The following CHD6 variants were observed in gnomAD, a reference collection of about 807,000 sequenced individuals.
CHD6 encodes the protein chromodomain helicase DNA binding protein 6.
CHD6 carries 50 observed loss-of-function variants against 276.9 expected under a neutral mutation model. The observed-to-expected ratio is 0.18, with a 90% CI of 0.14 to 0.23. CHD6 has a LOEUF of 0.23. Among genes scored for constraint, CHD6 ranks in the 10% least tolerant of loss-of-function variants. The pLI is 1.00. For synonymous variants in CHD6, 1,173 were observed against 1,229.3 expected, an observed-to-expected ratio of 0.95 and a Z score of 0.96; for missense variants, 2,564 against 3,365.8, an observed-to-expected ratio of 0.76 and a Z score of 5.89.
At position 41,489,826 on chromosome 20, in the gene CHD6, G is replaced by C; in HGVS notation, c.1632C>G (p.Ile544Met). 6.2e-7 allele frequency: 1 copy of C among 1,613,992 alleles called. No individual in the cohort carries two copies. Among genetic ancestry groups the C allele is most frequent in the South Asian group, 1.1e-5 (1 of 91,060 alleles). Residue 544 changes from isoleucine (I) to methionine (M), a missense_variant, in exon 12 of 37, where the codon ATC becomes ATG. Physicochemically the swap from Ile to Met is conservative, Grantham distance 10. This residue lies in a region of CHD6 where 457 missense variants were observed against 889.0 expected (regional missense o/e 0.51). Transcript: ENST00000373233. ...CATACTGCTGGATCATCTGCCTGCTGATCTGGCTGCCGTGGTACACAATGG... is the reference window on the plus strand; with the variant it reads ...CATACTGCTGGATCATCTGCCTGCTCATCTGGCTGCCGTGGTACACAATGG... ...MNAIVYHGSQISRQMIQQYEM... is the reference protein window; with the variant it reads ...MNAIVYHGSQMSRQMIQQYEM...
chr20:41,586,847 T>G (rs961797391), intron 1 of CHD6, among the ~76,000 whole-genome samples: 2 of 152,176 alleles, frequency 1.3e-5, no homozygotes, highest in Admixed American at 1.3e-4. Context: ...ATAAAAGGCA[T>G]TGACAAAAAA....
chr20:41,563,593 G>GA (rs2045325199), intron 1 of CHD6, among the ~76,000 whole-genome samples: 1 of 151,992 alleles, frequency 6.6e-6, no homozygotes, highest in Non-Finnish European at 1.5e-5. Flanking sequence ...TCCTTGGTCA[G>GA]AAAAAAATCA....
intron 31 of CHD6, among the ~76,000 whole-genome samples, 155 bp downstream of exon 31, chr20:41,420,353 C>T (rs193027722): frequency 3.2e-4 from 49 of 152,306 alleles, no homozygotes; most frequent in African/African-American, 9.6e-4. Context: ...CTAAGCTACT[C>T]GAATTTTCAG....
chr20:41,421,336 C>T lies in CHD6; in HGVS notation c.5299G>A (p.Gly1767Arg), dbSNP rs2047184766. The stretch of plus-strand genomic sequence containing the variant: ...TTGATGTTTGCTTGAGCTACTCCTC[C>T]TGCTTCTAAGCTACCCATAAAAGTA... ...GPTFMGSLEA[G>R]GVAQANIKNG... The change falls in exon 31 of 37, where the codon GGA becomes AGA. Residue 1767 changes from glycine (G) to arginine (R), a missense_variant. By Grantham distance (125) the Gly-to-Arg change is moderately radical. Coordinates refer to ENST00000373233, the MANE Select transcript of CHD6 (RefSeq NM_032221.5). The T allele has an allele frequency of 4.3e-6, 7 of 1,614,074 alleles. No homozygotes were observed. Among genetic ancestry groups the T allele is most frequent in the Non-Finnish European group, 5.9e-6 (7 of 1,179,982 alleles).
chr20:41,617,026 G>A (rs1436340862), intron 1 of CHD6, among the ~76,000 whole-genome samples: 1 of 152,126 alleles, frequency 6.6e-6, no homozygotes, highest in Non-Finnish European at 1.5e-5. Context: ...GGCCCATTGG[G>A]ATGGTACTCT....
chr20:41,404,713 T>C lies in CHD6; in HGVS notation c.8028A>G (p.Glu2676=). ...AGTTCTCATCACCGCTGGGCTCCCT[T>C]TCACAGCTGGGAGCAGGCTCTGGGT... ...NSHPEPAPSC[E]REPSGDENCA... The change falls in exon 37 of 37, where the codon GAA becomes GAG. Residue 2676 remains glutamate, a synonymous_variant. Transcript: ENST00000373233. 6.3e-7 allele frequency: 1 copy of C among 1,599,194 alleles called. No individual in the cohort carries two copies. Among genetic ancestry groups the C allele is most frequent in the Non-Finnish European group, 8.5e-7 (1 of 1,172,646 alleles).
intron 5 of CHD6, among the ~76,000 whole-genome samples, chr20:41,507,744 T>C (rs562483750): frequency 7.2e-5 from 11 of 152,326 alleles, no homozygotes; most frequent in African/African-American, 2.6e-4. Flanking sequence ...TTTTAATTCA[T>C]ACTCTTTTTA....
At chr20:41,455,055 C>T (rs189037678) in intron 19 of CHD6, among the ~76,000 whole-genome samples, 9 of 152,268 alleles carry the variant, frequency 5.9e-5, no homozygotes, top group African/African-American at 2.2e-4. Context: ...AAAGAGTTAA[C>T]ACTTAAAACT....
chr20:41,467,917 T>A (rs1457916657), intron 17 of CHD6, among the ~76,000 whole-genome samples: 1 of 152,058 alleles, frequency 6.6e-6, no homozygotes, highest in Non-Finnish European at 1.5e-5. Context: ...GCCTGTCCCA[T>A]CCTGTGCTTC....
intron 1 of CHD6, among the ~76,000 whole-genome samples, chr20:41,576,468 C>T (rs1040629186): frequency 5.3e-5 from 8 of 152,078 alleles, no homozygotes; most frequent in Non-Finnish European, 7.4e-5. Context: ...GGCAGATCAC[C>T]TGAGGTCAGG....
chr20:41,410,956 G>A (rs1218418285), intron 36 of CHD6, among the ~76,000 whole-genome samples: 1 of 152,168 alleles, frequency 6.6e-6, no homozygotes, highest in Non-Finnish European at 1.5e-5. Flanking sequence ...GCGTGAAGGG[G>A]TGAGGAAAGA....
At chr20:41,555,701 G>A (rs1184560519) in intron 1 of CHD6, among the ~76,000 whole-genome samples, 55 of 145,294 alleles carry the variant, frequency 3.8e-4, no homozygotes, top group South Asian at 4.4e-4. Context: ...ATGGGCAGCC[G>A]GGCAGAGACG....
chr20:41,498,164 G>C lies in CHD6; in HGVS notation c.974+4C>G. 1 of 1,599,772 alleles carries C rather than the reference G, an allele frequency of 6.3e-7. No individual in the cohort carries two copies. Among genetic ancestry groups the C allele is most frequent in the Non-Finnish European group, 8.5e-7 (1 of 1,170,422 alleles). ...AATACAGAGAATACTTTAAATAGACGTACAAATTTCTATACTTAACGTAGA... is the reference window on the plus strand; with the variant it reads ...AATACAGAGAATACTTTAAATAGACCTACAAATTTCTATACTTAACGTAGA... On this transcript the variant is annotated splice_donor_region_variant and intron_variant, in intron 7 of 36. Transcript: ENST00000373233.
At chr20:41,587,206 T>C (rs1388449531) in intron 1 of CHD6, among the ~76,000 whole-genome samples, 1 of 152,208 alleles carries the variant, frequency 6.6e-6, no homozygotes, top group Non-Finnish European at 1.5e-5. Context: ...TAAAGTACCA[T>C]TTAAAATAGT....
At chr20:41,609,399 CT>C (rs1475545354) in intron 1 of CHD6, among the ~76,000 whole-genome samples, 1 of 152,210 alleles carries the variant, frequency 6.6e-6, no homozygotes, top group African/African-American at 2.4e-5. Context: ...ATCAGTGACA[CT>C]TGTGTCAAAC....
intron 5 of CHD6, among the ~76,000 whole-genome samples, chr20:41,501,681 G>C (rs2043832722): frequency 6.6e-6 from 1 of 152,116 alleles, no homozygotes; most frequent in Admixed American, 6.5e-5. Flanking sequence ...GAAATACTGG[G>C]TTATGGGGTA....
At chr20:41,510,289 G>A (rs1409535315) in intron 5 of CHD6, among the ~76,000 whole-genome samples, 1 of 152,208 alleles carries the variant, frequency 6.6e-6, no homozygotes, top group African/African-American at 2.4e-5. Flanking sequence ...TCCTCAGGAA[G>A]CCCAGTATGT....
At chr20:41,445,600 G>C in intron 25 of CHD6, 65 bp downstream of exon 25, 2 of 999,634 alleles carry the variant, frequency 2.0e-6, no homozygotes, top group East Asian at 2.4e-5. Context: ...TTAGTTGGAG[G>C]GGCTGAACTC....
Position 41,445,390 on chromosome 20 carries a change from C to G in CHD6, c.3877+275G>C, listed in dbSNP as rs148712073. Among the ~76,000 whole-genome samples, 386 of 152,300 alleles carry G rather than the reference C, an allele frequency of 2.5e-3. 1 individual carries two copies. Among genetic ancestry groups the G allele is most frequent in the African/African-American group, 9.0e-3 (376 of 41,560 alleles). ...CTATTAGAGGCAGTCCCATATCCGACAGCATGGACAGGCGAGGGAGGAAGA... is the reference window on the plus strand; with the variant it reads ...CTATTAGAGGCAGTCCCATATCCGAGAGCATGGACAGGCGAGGGAGGAAGA... On this transcript the variant is annotated intron_variant, in intron 25 of 36. Coordinates refer to ENST00000373233, the MANE Select transcript of CHD6 (RefSeq NM_032221.5).
Sources: gnomAD v4.1 joint callset for allele counts (sites outside exome capture counted in the v4.1 genomes callset) on GRCh38, gnomAD v4.1.1 for gene constraint, gnomAD v4.1.1 regional missense constraint, MANE v1.5 for transcripts, NCBI Gene and HGNC (gene_info 2026-07-23, HGNC 2026-07-21) for gene names.